The following CFAP46 variants were observed in gnomAD, a reference collection of about 807,000 sequenced individuals.
CFAP46 encodes the protein cilia- and flagella-associated protein 46.
Under a neutral mutation model 325.7 loss-of-function variants are expected in CFAP46, and 245 were observed. The ratio of observed to expected loss-of-function variants is 0.75; its 90% CI spans 0.68 to 0.84. CFAP46 has a LOEUF of 0.84. CFAP46 is among the 40% of genes least tolerant of loss of function. The pLI is 0.00. For synonymous variants in CFAP46, 1,523 were observed against 1,495.9 expected (o/e 1.02, Z -0.42); for missense variants, 3,346 against 3,543.0 (o/e 0.94, Z 1.41).
rs1191435585 is a variant in CFAP46, at chr10:132,886,486, C to A, written c.3305-527G>T. ...TCAGGGCACACACAAAAATCGCCTG[C>A]CTGCCGGGAGGTGAGCCCCACCCAG... is the stretch of plus-strand genomic sequence containing the variant. On this transcript the variant is annotated intron_variant, in intron 25 of 57. Coordinates refer to ENST00000368586, the MANE Select transcript of CFAP46 (RefSeq NM_001200049.3). The surrounding 1 kb of genome is among the most constrained non-coding windows in gnomAD (Gnocchi z 5.8). 6.6e-6 allele frequency among the ~76,000 whole-genome samples: 1 copy of A among 152,206 alleles called. No homozygotes were observed. The highest frequency in any genetic ancestry group is 2.4e-5 in the African/African-American group (1 of 41,460).
Position 132,898,241 on chromosome 10 carries a change from G to A in CFAP46, c.3219+718C>T, listed in dbSNP as rs978451211. On this transcript the variant is annotated intron_variant, in intron 24 of 57. Transcript: ENST00000368586. ...CTCCCAGCAGGGAGCTGCATCCACA[G>A]ACCTGTGAGCCAGGAGCACGAAGCC... is the stretch of plus-strand genomic sequence containing the variant. Among the ~76,000 whole-genome samples the A allele has an allele frequency of 1.6e-4, 25 of 152,196 alleles. 1 individual carries two copies. The highest frequency in any genetic ancestry group is 2.9e-5 in the Non-Finnish European group (2 of 68,030).
intron 31 of CFAP46, 65 bp from the exon 32 acceptor site, chr10:132,872,889 C>A: frequency 6.5e-7 from 1 of 1,531,162 alleles, no homozygotes; most frequent in African/African-American, 1.4e-5. Flanking sequence ...GCATAAGGGT[C>A]TTTCCTCAGA....
At chr10:132,909,105 C>A (rs1471349805) in intron 21 of CFAP46, 32 bp downstream of exon 21, 1 of 1,507,424 alleles carries the variant, frequency 6.6e-7, no homozygotes, top group Non-Finnish European at 9.0e-7. Context: ...CCTCTTGGCC[C>A]CTGGCCTCCC....
In CFAP46 at chr10:132,828,410, A is replaced by T. The variant is rs1424934231; in HGVS notation, c.7117+4948T>A. ...CCCATTCTAACAGGTGTGCAGGGGT[A>T]TTCCATTGTGGTTTCCATTTGCATT... On this transcript the variant is annotated intron_variant, in intron 50 of 57. Coordinates refer to ENST00000368586, the MANE Select transcript of CFAP46 (RefSeq NM_001200049.3). The surrounding 1 kb of genome is among the most constrained non-coding windows in gnomAD (Gnocchi z 4.9). Among the ~76,000 whole-genome samples the T allele has an allele frequency of 6.6e-6, 1 of 152,200 alleles. No individual in the cohort carries two copies. Among genetic ancestry groups the T allele is most frequent in the Non-Finnish European group, 1.5e-5 (1 of 68,040 alleles).
At chr10:132,850,773 CTT>C (rs112935652) in intron 40 of CFAP46, among the ~76,000 whole-genome samples, 1 of 149,826 alleles carries the variant, frequency 6.7e-6, no homozygotes, top group African/African-American at 2.4e-5. Flanking sequence ...ACATATTCAA[CTT>C]TTTTTTTTAC....
Position 132,919,298 on chromosome 10 carries a change from T to C in CFAP46, c.1858+17A>G. The stretch of plus-strand genomic sequence containing the variant: ...CCGTGGCCAGGCTGGGACACACTCG[T>C]GAGGGCGGGTACGAACCTCGCCGCA... On this transcript the variant is annotated intron_variant, in intron 15 of 57. Coordinates refer to ENST00000368586, the MANE Select transcript of CFAP46 (RefSeq NM_001200049.3). This position sits in a 1 kb window ranked among gnomAD's most constrained non-coding sequence, Gnocchi z 9.7. 1 of 1,546,122 alleles carries C rather than the reference T, an allele frequency of 6.5e-7. No homozygotes were observed. The highest frequency in any genetic ancestry group is 8.7e-7 in the Non-Finnish European group (1 of 1,144,496).
chr10:132,879,405 G>A (rs1162113617), intron 29 of CFAP46, 21 bp downstream of exon 29: 7 of 1,474,164 alleles, frequency 4.7e-6, no homozygotes, highest in Admixed American at 2.4e-5. Context: ...CAGGAGCAGG[G>A]GAGTCTGCGC....
chr10:132,822,784 G>C (rs985110155), intron 50 of CFAP46, among the ~76,000 whole-genome samples: 1 of 99,766 alleles, frequency 1.0e-5, no homozygotes. Context: ...GTGTGCACTT[G>C]TGTGTGCTGT....
chr10:132,818,861 A>G (rs1343699258), intron 50 of CFAP46, among the ~76,000 whole-genome samples: 1 of 151,954 alleles, frequency 6.6e-6, no homozygotes. Context: ...CTCCAGAAAA[A>G]AAAAAAAAGA....
intron 45 of CFAP46, 30 bp downstream of exon 45, chr10:132,836,787 G>T: frequency 6.3e-7 from 1 of 1,581,436 alleles, no homozygotes; most frequent in South Asian, 1.1e-5. Flanking sequence ...GCGGGCTGGG[G>T]GCGGCCTCAA....
intron 11 of CFAP46, among the ~76,000 whole-genome samples, 179 bp from the exon 12 acceptor site, chr10:132,922,887 A>C (rs1448095067): frequency 6.6e-6 from 1 of 152,232 alleles, no homozygotes; most frequent in Non-Finnish European, 1.5e-5. Context: ...GGGGACTCAC[A>C]AATGGGGACA....
At chr10:132,836,633 CG>C (rs1339435274) in intron 45 of CFAP46, among the ~76,000 whole-genome samples, 183 bp downstream of exon 45, 2 of 37,228 alleles carry the variant, frequency 5.4e-5, no homozygotes, top group African/African-American at 2.8e-4. Flanking sequence ...CGTCTCTGGA[CG>C]GCCCCCCCCC....
rs913497731 is a variant in CFAP46 at position 132,884,590 on chromosome 10, G to A, written c.3627+513C>T. On this transcript the variant is annotated intron_variant, in intron 27 of 57. Coordinates refer to ENST00000368586, the MANE Select transcript of CFAP46 (RefSeq NM_001200049.3). The surrounding 1 kb of genome is among the most constrained non-coding windows in gnomAD (Gnocchi z 5.4). The stretch of plus-strand genomic sequence containing the variant: ...TGACAAGCAGAGGCATCAAATCAAC[G>A]CCAAAGCACCCACCTCCTCCTGAGC... Among the ~76,000 whole-genome samples, 17 of 152,206 alleles carry A rather than the reference G, an allele frequency of 1.1e-4. 1 individual carries two copies. The highest frequency in any genetic ancestry group is 2.2e-4 in the African/African-American group (9 of 41,540).
chr10:132,814,035 G>C, intron 54 of CFAP46, 117 bp downstream of exon 54: 1 of 729,766 alleles, frequency 1.4e-6, no homozygotes, highest in Non-Finnish European at 2.4e-6. Context: ...ATTGCATGCT[G>C]TATGTGGCAG....
Position 132,918,527 on chromosome 10 carries a change from G to T in CFAP46, c.1859-7C>A, listed in dbSNP as rs1272503161. ...CTACCTCGCTTCTTCTTCCCTGAGA[G>T]AAATGGCAGCAGGTAAGGATCATGT... On this transcript the variant is annotated splice_region_variant and splice_polypyrimidine_tract_variant and intron_variant, in intron 15 of 57. Transcript: ENST00000368586. The T allele has an allele frequency of 4.0e-6, 6 of 1,511,212 alleles. No homozygotes were observed. The East Asian group carries it at 1.5e-4, about 38-fold the overall frequency. 93.6% of individuals were successfully genotyped at this position (1,511,212 alleles called of 1,614,324 possible). A position where few individuals can be genotyped will look rare whatever the true frequency, so the allele number is the denominator to read the frequency against.
intron 35 of CFAP46, among the ~76,000 whole-genome samples, chr10:132,862,364 G>A (rs540014304): frequency 3.3e-5 from 5 of 151,784 alleles, no homozygotes; most frequent in Admixed American, 6.6e-5. Flanking sequence ...CACATGGAGA[G>A]GAGGAGGGTG....
intron 47 of CFAP46, 75 bp from the exon 48 acceptor site, chr10:132,834,850 G>A (rs946937799): frequency 3.3e-6 from 5 of 1,519,164 alleles, no homozygotes; most frequent in Non-Finnish European, 4.4e-6. Flanking sequence ...CCAGGCCCCT[G>A]CAGAAAGGCC....
intron 23 of CFAP46, 26 bp downstream of exon 23, chr10:132,899,509 C>T (rs1849364717): frequency 6.5e-7 from 1 of 1,530,928 alleles, no homozygotes; most frequent in Non-Finnish European, 8.8e-7. Flanking sequence ...GGACAGAGCC[C>T]ACCCCAGCCC....
At chr10:132,941,196 T>C (rs1046649642) in intron 3 of CFAP46, 136 bp from the exon 4 acceptor site, 8 of 855,470 alleles carry the variant, frequency 9.4e-6, no homozygotes, top group Non-Finnish European at 1.3e-5. Context: ...GGTGACGGTG[T>C]GGCAGACACA....
Sources: allele counts gnomAD v4.1 joint callset (sites outside exome capture counted in the v4.1 genomes callset), GRCh38; gene constraint gnomAD v4.1.1; non-coding constraint Gnocchi (gnomAD v3.1); transcripts MANE v1.5; gene names NCBI Gene and HGNC (gene_info 2026-07-23, HGNC 2026-07-21).